Variants in LOXHD1 observed in about 807,000 individuals in gnomAD.
LOXHD1 encodes lipoxygenase homology PLAT domains 1, also known as lipoxygenase homology domain-containing protein 1.
LOXHD1 carries 205 observed loss-of-function variants against 248.2 expected under a neutral mutation model. That is an observed-to-expected ratio of 0.83 (90% CI 0.74 to 0.93). LOXHD1 has a LOEUF of 0.93. LOXHD1 is among the 40% of genes least tolerant of loss of function. LOXHD1 has a pLI of 0.00. For missense variants in LOXHD1, 2,930 were observed against 2,971.6 expected (o/e 0.99, Z 0.33); for synonymous variants, 1,113 against 1,162.8 (o/e 0.96, Z 0.87).
At chr18:46,608,298 A>G (rs529859484) in intron 6 of LOXHD1, among the ~76,000 whole-genome samples, 1 of 152,328 alleles carries the variant, frequency 6.6e-6, no homozygotes, top group Admixed American at 6.5e-5. Context: ...GTTTTCACCC[A>G]TAGATTTCAC....
chr18:46,652,682 A>G (rs1392376643), intron 1 of LOXHD1, among the ~76,000 whole-genome samples: 2 of 152,242 alleles, frequency 1.3e-5, no homozygotes, highest in Non-Finnish European at 2.9e-5. Flanking sequence ...TAAATCTAAG[A>G]GAAACAAGTA....
intron 8 of LOXHD1, among the ~76,000 whole-genome samples, chr18:46,598,777 A>G (rs903267334): frequency 6.6e-6 from 1 of 152,272 alleles, no homozygotes; most frequent in South Asian, 2.1e-4. Flanking sequence ...AAAATATAAA[A>G]CTATATTGAA....
At chr18:46,519,725 C>G (rs186346670) in intron 33 of LOXHD1, among the ~76,000 whole-genome samples, 93 of 152,270 alleles carry the variant, frequency 6.1e-4, no homozygotes, top group Non-Finnish European at 1.0e-3. Flanking sequence ...CTGGTCCGTC[C>G]GACTCTTGTG....
At chr18:46,556,646 A>C in intron 21 of LOXHD1, 1 of 163,214 alleles carries the variant, frequency 6.1e-6, no homozygotes, top group Non-Finnish European at 1.3e-5. Flanking sequence ...TCATCCTCAT[A>C]CCTGCCCACC....
At chr18:46,628,398 A>C (rs1437265374) in intron 4 of LOXHD1, among the ~76,000 whole-genome samples, 2 of 152,100 alleles carry the variant, frequency 1.3e-5, no homozygotes, top group Non-Finnish European at 2.9e-5. Flanking sequence ...CCTTGCCCCC[A>C]CCTGGGAATT....
rs369043488 is a variant in LOXHD1, at chr18:46,485,130, G to A, written c.6071C>T (p.Thr2024Met). 23 of 1,549,542 alleles carry A rather than the reference G, an allele frequency of 1.5e-5. No individual in the cohort carries two copies. In the African/African-American group the frequency reaches 1.9e-4, roughly 13 times the overall value. ...EETTYEIVIE[T>M]GNGGETRENV... The stretch of plus-strand genomic sequence containing the variant: ...CTCCCTGGTTTCGCCTCCGTTGCCC[G>A]TTTCTATGACGATCTCGTAGGCTGT... The change falls in exon 39 of 41, where the codon ACG (threonine) becomes ATG (methionine). Residue 2024 changes from threonine (T) to methionine (M), a missense_variant. Coordinates refer to ENST00000642948, the MANE Select transcript of LOXHD1 (RefSeq NM_001384474.1).
intron 25 of LOXHD1, 70 bp from the exon 26 acceptor site, chr18:46,538,407 G>T: frequency 6.9e-7 from 1 of 1,447,184 alleles, no homozygotes; most frequent in Non-Finnish European, 9.5e-7. Flanking sequence ...GTGAGAGCCA[G>T]TTCTTCACCA....
chr18:46,630,466 T>G (rs1213100262), intron 4 of LOXHD1, among the ~76,000 whole-genome samples: 2 of 152,164 alleles, frequency 1.3e-5, no homozygotes, highest in African/African-American at 4.8e-5. Context: ...CTTAAACAGG[T>G]CTTGCTCATG....
chr18:46,648,442 C>T (rs931966008), intron 2 of LOXHD1, among the ~76,000 whole-genome samples: 3 of 152,172 alleles, frequency 2.0e-5, no homozygotes. Flanking sequence ...TGGACTCAGA[C>T]CAGCTGATCA....
chr18:46,636,507 G>A (rs2038894721), intron 4 of LOXHD1, among the ~76,000 whole-genome samples: 1 of 152,216 alleles, frequency 6.6e-6, no homozygotes, highest in Admixed American at 6.5e-5. Context: ...CAGTTGGTCA[G>A]CCTAGAACAC....
chr18:46,560,315 C>T lies in LOXHD1; in HGVS notation c.2829G>A (p.Arg943=), dbSNP rs769630759. ...KAKLQRKKKK[R]KGSDEEDEGE... is the part of the protein sequence containing the mutation. The stretch of plus-strand genomic sequence containing the variant: ...CCTCGTCCTCTTCGTCGCTGCCCTT[C>T]CTCTTCTTCTTCTTCCTCTGCAGCT... Residue 943 remains arginine (R), a synonymous_variant, in exon 19 of 41, where the codon AGG becomes AGA. Coordinates refer to ENST00000642948, the MANE Select transcript of LOXHD1 (RefSeq NM_001384474.1). 1.5e-5 allele frequency: 24 copies of T among 1,551,864 alleles called. No individual in the cohort carries two copies. Among genetic ancestry groups the T allele is most frequent in the Non-Finnish European group, 2.1e-5 (24 of 1,147,112 alleles).
At chr18:46,491,852 G>C (rs943680764) in intron 37 of LOXHD1, among the ~76,000 whole-genome samples, 22 of 152,238 alleles carry the variant, frequency 1.4e-4, no homozygotes, top group African/African-American at 5.1e-4. Context: ...ATAGGAGCCT[G>C]TCTGGCCTGG....
rs564030670 is a variant in LOXHD1 at position 46,604,121 on chromosome 18, C to T, written c.868G>A (p.Gly290Arg). 276 of 1,551,738 alleles carry T rather than the reference C, an allele frequency of 1.8e-4. No homozygotes were observed. Among genetic ancestry groups the T allele is most frequent in the Middle Eastern group, 1.5e-3 (9 of 5,992 alleles). The change falls in exon 7 of 41, where the codon GGA (glycine) becomes AGA (arginine). Residue 290 changes from glycine to arginine, a missense_variant. Coordinates refer to ENST00000642948, the MANE Select transcript of LOXHD1 (RefSeq NM_001384474.1). ...TCAAATCTACCTGTGGTCTCAGCTC[C>T]GCCCACTAAGATATCCCTTTGGATT... The part of the protein sequence containing the change: ...GKIQRDILVG[G>R]AETTAITYIV...
intron 40 of LOXHD1, among the ~76,000 whole-genome samples, chr18:46,479,780 A>C (rs1045183638): frequency 1.1e-4 from 16 of 151,978 alleles, no homozygotes; most frequent in African/African-American, 1.4e-4. Flanking sequence ...AAAAAAACAA[A>C]AAAAAAAACA....
intron 31 of LOXHD1, among the ~76,000 whole-genome samples, chr18:46,522,824 T>A (rs967175286): frequency 1.3e-5 from 2 of 152,222 alleles, no homozygotes; most frequent in Non-Finnish European, 2.9e-5. Context: ...TTAATCAGCA[T>A]AAAACTTACT....
chr18:46,505,848 G>A lies in LOXHD1; in HGVS notation c.5868C>T (p.His1956=), dbSNP rs114974101. ...LGHLCKLRVW[H]DNKGIFPGWH... ...TTGAGTGGGAGCTACCTTTGTTGTCGTGCCAGACCCTCAGCTTGCAGAGGT... is the reference window on the plus strand; with the variant it reads ...TTGAGTGGGAGCTACCTTTGTTGTCATGCCAGACCCTCAGCTTGCAGAGGT... Residue 1956 remains histidine (H), a synonymous_variant, in exon 37 of 41, where the codon CAC becomes CAT. Transcript: ENST00000642948. 1.0e-3 allele frequency: 1,591 copies of A among 1,551,634 alleles called. 17 individuals carry two copies. The African/African-American group carries it at 0.019, about 18-fold the overall frequency.
intron 14 of LOXHD1, among the ~76,000 whole-genome samples, chr18:46,573,304 C>T (rs1853941308): frequency 6.6e-6 from 1 of 152,118 alleles, no homozygotes; most frequent in Admixed American, 6.5e-5. Flanking sequence ...AGGTATGGGG[C>T]AATTTACCTG....
At chr18:46,574,420 C>CACA (rs1568195079) in intron 14 of LOXHD1, among the ~76,000 whole-genome samples, 1 of 144,146 alleles carries the variant, frequency 6.9e-6, no homozygotes, top group Non-Finnish European at 1.5e-5. Flanking sequence ...CACACACACA[C>CACA]CTGATCCTAG....
chr18:46,625,420 T>TA (rs143706816), intron 4 of LOXHD1, among the ~76,000 whole-genome samples: 62,752 of 151,402 alleles, frequency 0.41, 13,181 homozygotes, highest in East Asian at 0.46. Context: ...TTGGCTTCCC[T>TA]GGGCCACACT....
Sources: gnomAD v4.1 joint callset for allele counts (sites outside exome capture counted in the v4.1 genomes callset) on GRCh38, gnomAD v4.1.1 for gene constraint, MANE v1.5 for transcripts, NCBI Gene and HGNC (gene_info 2026-07-23, HGNC 2026-07-21) for gene names.